Variants in SNX18 observed in about 807,000 individuals in gnomAD.
The protein encoded by SNX18 is sorting nexin-18.
In SNX18, 35 loss-of-function variants were observed where a neutral mutation model predicts 48.7. The observed-to-expected ratio is 0.72, with a 90% CI of 0.55 to 0.95. The LOEUF (loss-of-function observed/expected upper bound fraction) is 0.95, where lower values mean the gene tolerates loss of function less well. SNX18 is among the 40% of genes least tolerant of loss of function. SNX18 has a pLI of 0.00. For missense variants in SNX18, 824 were observed against 871.0 expected (o/e 0.95, Z 0.68); for synonymous variants, 492 against 384.7 (o/e 1.28, Z -3.26).
At chr5:54,615,147 T>G in the SNX18 span, among the ~76,000 whole-genome samples, 9 of 152,196 alleles carry the variant, frequency 5.9e-5, no homozygotes, top group Non-Finnish European at 1.3e-4. Flanking sequence ...GTGGGATCCA[T>G]TTTGGTCTAA....
intron 1 of SNX18, among the ~76,000 whole-genome samples, chr5:54,530,742 A>G (rs958798822): frequency 3.1e-5 from 2 of 64,130 alleles, no homozygotes; most frequent in East Asian, 1.1e-3. Flanking sequence ...TGAACCACAG[A>G]AATTTTTTTT....
Position 54,518,492 on chromosome 5 carries a change from C to A in SNX18, c.540C>A (p.Asp180Glu), listed in dbSNP as rs748613247. Residue 180 changes from aspartate to glutamate, a missense_variant, in exon 1 of 2, where the codon GAC (aspartate) becomes GAA (glutamate). This residue lies in a region of SNX18 where 377 missense variants were observed against 350.6 expected (regional missense o/e 1.08). Transcript: ENST00000381410. ...GCAGCGGAGCATACCCGGACCTCGA[C>A]GGCTCGTCTTCGGCGGGTGTGGGCG... ...ALGSGAYPDLDGSSSAGVGAA... is the reference protein window; with the variant it reads ...ALGSGAYPDLEGSSSAGVGAA... 1 of 1,570,652 alleles carries A rather than the reference C, an allele frequency of 6.4e-7. No individual in the cohort carries two copies.
chr5:54,552,076 A>T, the SNX18 span, among the ~76,000 whole-genome samples: 1 of 152,202 alleles, frequency 6.6e-6, no homozygotes. Flanking sequence ...GAGAGCAGCC[A>T]CAGTGCTGGC....
chr5:54,584,563 T>C, the SNX18 span, among the ~76,000 whole-genome samples: 26 of 152,136 alleles, frequency 1.7e-4, no homozygotes, highest in African/African-American at 5.8e-4. Flanking sequence ...AGATTAATAA[T>C]GACAAGCCAG....
chr5:54,600,828 C>T, the SNX18 span, among the ~76,000 whole-genome samples: 47 of 151,832 alleles, frequency 3.1e-4, no homozygotes, highest in African/African-American at 1.0e-3. Context: ...GACCTGTTGG[C>T]GGGGTGGGGT....
chr5:54,570,965 A>G, the SNX18 span, among the ~76,000 whole-genome samples: 1 of 152,220 alleles, frequency 6.6e-6, no homozygotes, highest in Non-Finnish European at 1.5e-5. Flanking sequence ...CCACAAAAGA[A>G]GTATTGAACA....
the SNX18 span, among the ~76,000 whole-genome samples, chr5:54,610,523 AG>A: frequency 6.6e-6 from 1 of 152,216 alleles, no homozygotes; most frequent in African/African-American, 2.4e-5. Flanking sequence ...CGCTCAGCCA[AG>A]ATTGGAGATT....
the SNX18 span, among the ~76,000 whole-genome samples, chr5:54,610,858 C>T: frequency 6.6e-6 from 1 of 152,190 alleles, no homozygotes; most frequent in African/African-American, 2.4e-5. Flanking sequence ...AGTTAGTAGC[C>T]TGACATTAGT....
At chr5:54,563,519 A>G in the SNX18 span, among the ~76,000 whole-genome samples, 9 of 152,344 alleles carry the variant, frequency 5.9e-5, no homozygotes, top group African/African-American at 2.2e-4. Flanking sequence ...TGTGCAGTAG[A>G]CTATTCTGTC....
chr5:54,534,185 A>G (rs1762305870), intron 1 of SNX18, among the ~76,000 whole-genome samples: 1 of 150,540 alleles, frequency 6.6e-6, no homozygotes, highest in Admixed American at 6.6e-5. Flanking sequence ...AATCGAGTTA[A>G]TGTTTTTGGC....
chr5:54,534,714 C>G (rs1019675776), intron 1 of SNX18, among the ~76,000 whole-genome samples: 2 of 149,800 alleles, frequency 1.3e-5, no homozygotes, highest in Non-Finnish European at 2.9e-5. Context: ...TTTGATGGGT[C>G]AGAAATTTCC....
intron 1 of SNX18, among the ~76,000 whole-genome samples, chr5:54,524,330 A>G (rs774375685): frequency 3.3e-5 from 5 of 152,160 alleles, no homozygotes; most frequent in Non-Finnish European, 7.4e-5. Context: ...TGAGCCACAT[A>G]GCCTTCAGAG....
intron 1 of SNX18, among the ~76,000 whole-genome samples, chr5:54,527,516 C>T (rs1016666514): frequency 5.9e-5 from 9 of 152,196 alleles, no homozygotes; most frequent in Admixed American, 1.3e-4. Flanking sequence ...TAAGAATTGT[C>T]AGAACAGGGG....
chr5:54,552,167 C>T, the SNX18 span, among the ~76,000 whole-genome samples: 45 of 152,330 alleles, frequency 3.0e-4, no homozygotes, highest in South Asian at 8.3e-4. Flanking sequence ...CCCATTACCA[C>T]GCATCACACC....
the SNX18 span, among the ~76,000 whole-genome samples, chr5:54,624,114 C>A: frequency 6.6e-6 from 1 of 152,168 alleles, no homozygotes; most frequent in Non-Finnish European, 1.5e-5. Flanking sequence ...CCATCAACGT[C>A]CCATTCAGCA....
chr5:54,573,659 G>A, the SNX18 span, among the ~76,000 whole-genome samples: 1 of 152,076 alleles, frequency 6.6e-6, no homozygotes, highest in Non-Finnish European at 1.5e-5. Context: ...TCAGGCTAAG[G>A]GATTTGGATT....
At chr5:54,576,135 G>A in the SNX18 span, among the ~76,000 whole-genome samples, 3 of 152,106 alleles carry the variant, frequency 2.0e-5, no homozygotes, top group Admixed American at 6.5e-5. Flanking sequence ...CCATAGCCAC[G>A]GTGCCAGACA....
chr5:54,533,515 A>T (rs761740529), intron 1 of SNX18, among the ~76,000 whole-genome samples: 2 of 152,164 alleles, frequency 1.3e-5, no homozygotes, highest in Non-Finnish European at 2.9e-5. Flanking sequence ...TGCGATCGCC[A>T]TGGGTAGGGT....
chr5:54,611,772 G>A, the SNX18 span, among the ~76,000 whole-genome samples: 4 of 152,148 alleles, frequency 2.6e-5, no homozygotes, highest in East Asian at 1.9e-4. Context: ...GAAATGATGG[G>A]GAAGCAACTT....
Sources: gnomAD v4.1 joint callset for allele counts (sites outside exome capture counted in the v4.1 genomes callset) on GRCh38, gnomAD v4.1.1 for gene constraint, gnomAD v4.1.1 regional missense constraint, MANE v1.5 for transcripts, NCBI Gene and HGNC (gene_info 2026-07-23, HGNC 2026-07-21) for gene names.